Variants in NUBPL observed in about 807,000 individuals in gnomAD.
NUBPL encodes NUBP iron-sulfur cluster assembly factor, mitochondrial.
Under a neutral mutation model 45.7 loss-of-function variants are expected in NUBPL, and 31 were observed. The observed-to-expected ratio is 0.68, with a 90% confidence interval of 0.51 to 0.92. NUBPL has a LOEUF of 0.92. Among genes scored for constraint, NUBPL ranks in the 40% least tolerant of loss-of-function variants. The pLI, the probability that NUBPL is intolerant of heterozygous loss-of-function variation, is 0.00. For synonymous variants in NUBPL, 144 were observed against 140.9 expected, an observed-to-expected ratio of 1.02 and a Z score of -0.15; for missense variants, 401 against 398.7, an observed-to-expected ratio of 1.01 and a Z score of -0.05.
chr14:31,717,841 ATCTCT>A (rs1438613426), intron 6 of NUBPL, among the ~76,000 whole-genome samples: 1 of 152,094 alleles, frequency 6.6e-6, no homozygotes, highest in Non-Finnish European at 1.5e-5. Context: ...AAGTTCTGAC[ATCTCT>A]TCTCTTGGCT....
intron 10 of NUBPL, among the ~76,000 whole-genome samples, chr14:31,853,750 T>A (rs1388379302): frequency 6.6e-6 from 1 of 152,052 alleles, no homozygotes; most frequent in Non-Finnish European, 1.5e-5. Flanking sequence ...TGTACACCAC[T>A]TAGGAAAGGC....
chr14:31,590,395 C>T (rs562944043), intron 3 of NUBPL, among the ~76,000 whole-genome samples: 8 of 152,008 alleles, frequency 5.3e-5, no homozygotes, highest in Admixed American at 2.0e-4. Flanking sequence ...TAATTCTCAG[C>T]GGAGCAGTGT....
At chr14:31,631,778 A>T (rs1296367592) in intron 4 of NUBPL, among the ~76,000 whole-genome samples, 7 of 151,654 alleles carry the variant, frequency 4.6e-5, no homozygotes, top group Admixed American at 2.0e-4. Context: ...TTTTTTTTCT[A>T]TTCAGGGCTT....
intron 6 of NUBPL, among the ~76,000 whole-genome samples, chr14:31,758,022 C>T (rs1390326210): frequency 1.3e-5 from 2 of 152,106 alleles, no homozygotes; most frequent in Non-Finnish European, 2.9e-5. Context: ...CAGGTCTTAT[C>T]TTAAATGTCA....
At position 31,653,165 on chromosome 14, in the gene NUBPL, A is replaced by C. The variant is rs139456603; in HGVS notation, c.383-20190A>C. 3.9e-5 allele frequency among the ~76,000 whole-genome samples: 6 copies of C among 152,340 alleles called. No homozygotes were observed. The East Asian group carries it at 1.2e-3, about 29-fold the overall frequency. ...CAAAGATCACAAGGCAAAGGGCAAA[A>C]TTAGAATTACTGATGAGGTTCTATG... On this transcript the variant is annotated intron_variant, in intron 4 of 10. Transcript: ENST00000281081.
intron 2 of NUBPL, among the ~76,000 whole-genome samples, chr14:31,563,715 A>G (rs866737338): frequency 3.3e-5 from 5 of 152,350 alleles, no homozygotes; most frequent in East Asian, 1.9e-4. Context: ...GACTAATGCA[A>G]ATATGCTCAG....
intron 7 of NUBPL, among the ~76,000 whole-genome samples, chr14:31,815,676 G>A (rs1185004440): frequency 1.3e-5 from 2 of 151,978 alleles, no homozygotes; most frequent in Non-Finnish European, 2.9e-5. Context: ...GTCGGTTTGT[G>A]ATAAATAGCT....
At chr14:31,834,425 C>T (rs1182421959) in intron 8 of NUBPL, among the ~76,000 whole-genome samples, 5 of 152,074 alleles carry the variant, frequency 3.3e-5, no homozygotes, top group East Asian at 3.9e-4. Context: ...ATGATCTGCC[C>T]ACCTTGGCCT....
intron 4 of NUBPL, among the ~76,000 whole-genome samples, chr14:31,666,263 A>ATATATATATATATATTTATTTATT: frequency 1.3e-4 from 15 of 111,860 alleles, no homozygotes; most frequent in East Asian, 6.7e-4. Flanking sequence ...ATATATATAT[A>ATATATATATATATATTTATTTATT]ATTTTATTTT....
intron 4 of NUBPL, among the ~76,000 whole-genome samples, chr14:31,652,316 G>A (rs1298452908): frequency 6.6e-6 from 1 of 152,146 alleles, no homozygotes; most frequent in Non-Finnish European, 1.5e-5. Context: ...GGGAGATATT[G>A]GCCAAAGGAC....
intron 4 of NUBPL, among the ~76,000 whole-genome samples, chr14:31,659,666 G>GTA (rs1186487143): frequency 6.6e-6 from 1 of 152,136 alleles, no homozygotes; most frequent in East Asian, 1.9e-4. Context: ...AGAATCTGAT[G>GTA]TATCACCCCT....
intron 7 of NUBPL, among the ~76,000 whole-genome samples, chr14:31,822,528 A>G (rs1179995453): frequency 6.6e-6 from 1 of 152,150 alleles, no homozygotes; most frequent in Non-Finnish European, 1.5e-5. Context: ...ATACAGCAAA[A>G]GAGGTAGTGA....
intron 6 of NUBPL, among the ~76,000 whole-genome samples, chr14:31,747,728 G>C (rs1479085952): frequency 2.0e-5 from 3 of 151,774 alleles, no homozygotes; most frequent in African/African-American, 4.8e-5. Flanking sequence ...CTAATGGTTT[G>C]TCAAATTTGA....
At chr14:31,699,619 T>G (rs1319932500) in intron 6 of NUBPL, among the ~76,000 whole-genome samples, 1 of 152,222 alleles carries the variant, frequency 6.6e-6, no homozygotes, top group Non-Finnish European at 1.5e-5. Flanking sequence ...AACACTCTTT[T>G]TAATGTCATC....
At chr14:31,793,242 C>T (rs1164583678) in intron 7 of NUBPL, among the ~76,000 whole-genome samples, 1 of 152,056 alleles carries the variant, frequency 6.6e-6, no homozygotes, top group African/African-American at 2.4e-5. Context: ...CTCACTACTC[C>T]CACCTTCCTT....
At chr14:31,767,055 A>G (rs1376545834) in intron 6 of NUBPL, among the ~76,000 whole-genome samples, 7 of 152,182 alleles carry the variant, frequency 4.6e-5, no homozygotes, top group African/African-American at 9.7e-5. Flanking sequence ...AACAGAAGAT[A>G]AAAGTGCCCC....
At chr14:31,686,059 A>G (rs2036946414) in intron 6 of NUBPL, among the ~76,000 whole-genome samples, 1 of 152,210 alleles carries the variant, frequency 6.6e-6, no homozygotes, top group South Asian at 2.1e-4. Context: ...AATTAAAAAA[A>G]AGAGAGATGA....
At chr14:31,666,228 G>GAT (rs1220296192) in intron 4 of NUBPL, among the ~76,000 whole-genome samples, 7 of 26,690 alleles carry the variant, frequency 2.6e-4, no homozygotes, top group African/African-American at 7.2e-4. Context: ...TTATATTTAA[G>GAT]ATATATATAT....
chr14:31,758,672 C>T (rs2038729264), intron 6 of NUBPL, among the ~76,000 whole-genome samples: 1 of 151,980 alleles, frequency 6.6e-6, no homozygotes, highest in South Asian at 2.1e-4. Flanking sequence ...AACTGAGAAA[C>T]ACCTTAGAAA....
Sources: gnomAD v4.1 joint callset for allele counts (sites outside exome capture counted in the v4.1 genomes callset) on GRCh38, gnomAD v4.1.1 for gene constraint, MANE v1.5 for transcripts, NCBI Gene and HGNC (gene_info 2026-07-23, HGNC 2026-07-21) for gene names.